Variants in ACTR3C observed in about 807,000 individuals in gnomAD.
ACTR3C encodes actin-related protein 3C.
A neutral mutation model predicts 26.3 loss-of-function variants in ACTR3C; 18 were observed. The ratio of observed to expected loss-of-function variants is 0.68; its 90% confidence interval spans 0.47 to 1.01. ACTR3C has a LOEUF of 1.01. Among genes scored for constraint, ACTR3C ranks in the 50% least tolerant of loss-of-function variants. The probability of loss-of-function intolerance (pLI) is 0.00; values close to 1 mark genes in which losing one functional copy is unlikely to be tolerated. For synonymous variants in ACTR3C, 55 were observed against 94.5 expected (o/e 0.58, Z 2.42); for missense variants, 184 against 250.7 (o/e 0.73, Z 1.80).
the ACTR3C span, among the ~76,000 whole-genome samples, chr7:150,113,866 T>C: frequency 6.6e-6 from 1 of 152,152 alleles, no homozygotes; most frequent in African/African-American, 2.4e-5. Flanking sequence ...GTAGCCTCTT[T>C]TTTTTCCTTT....
intron 6 of ACTR3C, among the ~76,000 whole-genome samples, chr7:150,260,756 A>G (rs2129610005): frequency 6.6e-6 from 1 of 152,254 alleles, no homozygotes; most frequent in East Asian, 1.9e-4. Context: ...TGATTTTTAA[A>G]TTGTCCATTA....
chr7:150,264,559 A>G lies in ACTR3C; in HGVS notation c.565-15505T>C, dbSNP rs900353469. On this transcript the variant is annotated intron_variant, in intron 6 of 7. Coordinates refer to ENST00000683684, the MANE Select transcript of ACTR3C (RefSeq NM_001164458.2). ...ACTAACTGAGGGGTGCTCTGAGTCCAGGTTATAATGTATATTACCCAGCAT... is the reference window on the plus strand; with the variant it reads ...ACTAACTGAGGGGTGCTCTGAGTCCGGGTTATAATGTATATTACCCAGCAT... The G allele has an allele frequency of 7.5e-5, 73 of 972,536 alleles. 1 individual carries two copies. The highest frequency in any genetic ancestry group is 3.1e-4 in the Admixed American group (5 of 16,222). 60.2% of individuals were successfully genotyped at this position (972,536 alleles called of 1,614,324 possible).
the ACTR3C span, among the ~76,000 whole-genome samples, chr7:150,141,446 T>G: frequency 6.6e-6 from 1 of 151,812 alleles, no homozygotes; most frequent in Admixed American, 6.6e-5. Context: ...GAGCATGCTA[T>G]GTGCCAGGGA....
At chr7:150,321,958 AT>A (rs1797560145) in intron 1 of ACTR3C, among the ~76,000 whole-genome samples, 1 of 152,196 alleles carries the variant, frequency 6.6e-6, no homozygotes, top group Non-Finnish European at 1.5e-5. Context: ...CCCCTTGAAT[AT>A]GTCCAACTGA....
chr7:150,121,608 C>G, the ACTR3C span, among the ~76,000 whole-genome samples: 2 of 149,486 alleles, frequency 1.3e-5, no homozygotes, highest in Admixed American at 6.7e-5. Flanking sequence ...GAAAAACATT[C>G]CATAGTCATG....
the ACTR3C span, among the ~76,000 whole-genome samples, chr7:149,889,768 G>A: frequency 2.0e-5 from 3 of 152,296 alleles, no homozygotes; most frequent in East Asian, 1.9e-4. Context: ...TGAAGCGGGA[G>A]GATCAACTGA....
the ACTR3C span, among the ~76,000 whole-genome samples, chr7:149,989,330 C>A: frequency 1.3e-5 from 2 of 152,170 alleles, no homozygotes; most frequent in Admixed American, 1.3e-4. Flanking sequence ...ACTCTCTTAG[C>A]AATTTTTGAA....
the ACTR3C span, among the ~76,000 whole-genome samples, chr7:150,041,856 G>T: frequency 7.1e-5 from 10 of 140,144 alleles, no homozygotes; most frequent in East Asian, 1.3e-3. Context: ...ATAGCTCTCA[G>T]TCCCCACTCT....
At chr7:150,239,467 A>G (rs1173935675), downstream of ACTR3C, among the ~76,000 whole-genome samples, 1 of 135,974 alleles carries the variant, frequency 7.4e-6, no homozygotes, top group Non-Finnish European at 1.5e-5. Context: ...CACACATTGA[A>G]GCACTAAAAT....
At chr7:150,147,854 T>TAA in the ACTR3C span, among the ~76,000 whole-genome samples, 220 of 145,326 alleles carry the variant, frequency 1.5e-3, 1 homozygote, top group African/African-American at 5.3e-3. Flanking sequence ...TCTGGATGAT[T>TAA]AAAAAAAAGC....
the ACTR3C span, among the ~76,000 whole-genome samples, chr7:150,014,016 C>T: frequency 1.3e-5 from 2 of 152,092 alleles, no homozygotes; most frequent in African/African-American, 2.4e-5. Context: ...ATTTCTTCTG[C>T]AAGGAGGGCT....
At chr7:150,036,151 G>T in the ACTR3C span, among the ~76,000 whole-genome samples, 10 of 134,704 alleles carry the variant, frequency 7.4e-5, no homozygotes, top group South Asian at 2.3e-4. Context: ...CCCGCCTCGT[G>T]GGGGGTGCCT....
the ACTR3C span, among the ~76,000 whole-genome samples, chr7:150,112,849 CT>C: frequency 7.2e-5 from 11 of 152,142 alleles, no homozygotes; most frequent in African/African-American, 2.7e-4. Flanking sequence ...TGTCTTCCCC[CT>C]GACTCTGTTT....
At chr7:149,997,589 A>G in the ACTR3C span, among the ~76,000 whole-genome samples, 65 of 151,994 alleles carry the variant, frequency 4.3e-4, no homozygotes, top group African/African-American at 1.4e-3. Flanking sequence ...TTTAATATGA[A>G]TGGACATTAT....
chr7:150,029,842 C>G, the ACTR3C span, among the ~76,000 whole-genome samples: 1 of 151,956 alleles, frequency 6.6e-6, no homozygotes. Flanking sequence ...TGAGCTCTCC[C>G]TGATGCTGCT....
At chr7:150,311,324 A>T (rs1401815536) in intron 1 of ACTR3C, among the ~76,000 whole-genome samples, 1 of 152,138 alleles carries the variant, frequency 6.6e-6, no homozygotes, top group African/African-American at 2.4e-5. Context: ...TTCTATCCAA[A>T]CAACTTGACC....
At chr7:150,173,053 A>G in the ACTR3C span, among the ~76,000 whole-genome samples, 1 of 149,656 alleles carries the variant, frequency 6.7e-6, no homozygotes, top group Admixed American at 6.6e-5. Context: ...GAACGGTGCA[A>G]GCTGTTGGTG....
chr7:150,315,377 CAGCCGAA>C, intron 1 of ACTR3C, among the ~76,000 whole-genome samples: 1 of 152,086 alleles, frequency 6.6e-6, no homozygotes, highest in African/African-American at 2.4e-5. Context: ...AGAGGATATG[CAGCCGAA>C]GATGCTAGCA....
chr7:150,175,541 A>C, the ACTR3C span, among the ~76,000 whole-genome samples: 23,622 of 149,438 alleles, frequency 0.16, 4,015 homozygotes, highest in African/African-American at 0.38. Flanking sequence ...TAGCTGGACA[A>C]AGTGGCTCAT....
Sources: gnomAD v4.1 joint callset for allele counts (sites outside exome capture counted in the v4.1 genomes callset) on GRCh38, gnomAD v4.1.1 for gene constraint, MANE v1.5 for transcripts, NCBI Gene and HGNC (gene_info 2026-07-23, HGNC 2026-07-21) for gene names.